Variants in KIAA0586 observed in about 807,000 individuals in gnomAD.
KIAA0586 encodes the protein protein TALPID3.
A neutral mutation model predicts 169.8 loss-of-function variants in KIAA0586; 144 were observed. The ratio of observed to expected loss-of-function variants is 0.85; its 90% CI spans 0.74 to 0.97. The LOEUF is 0.97. KIAA0586 is among the 50% of genes least tolerant of loss of function. KIAA0586 has a pLI of 0.00. For missense variants in KIAA0586, 1,854 were observed against 1,823.0 expected (o/e 1.02, Z -0.31); for synonymous variants, 625 against 612.4 (o/e 1.02, Z -0.30).
At chr14:58,464,929 G>A (rs1328422631) in intron 14 of KIAA0586, among the ~76,000 whole-genome samples, 4 of 151,972 alleles carry the variant, frequency 2.6e-5, no homozygotes, top group East Asian at 1.9e-4. Flanking sequence ...TATGACAGCC[G>A]GGCATGGTGG....
rs200219991 is a variant in KIAA0586 at position 58,470,656 on chromosome 14, C to T, written c.2486C>T (p.Ala829Val). The T allele has an allele frequency of 6.2e-7, 1 of 1,608,344 alleles. No homozygotes were observed. The highest frequency in any genetic ancestry group is 8.5e-7 in the Non-Finnish European group (1 of 1,175,860). ...ATTGACAGCATTTCAAATAGTAGTG[C>T]TGATGTCCTTTCACCTCTGTCTAGC... ...VDIDSISNSSADVLSPLSSPK... is the reference protein window; with the variant it reads ...VDIDSISNSSVDVLSPLSSPK... Residue 829 changes from alanine (A) to valine (V), a missense_variant, in exon 17 of 31, where the codon GCT (alanine) becomes GTT (valine). Ala to Val is a moderately conservative substitution (Grantham distance 64). Coordinates refer to ENST00000652326, the MANE Select transcript of KIAA0586 (RefSeq NM_001329943.3).
rs537893860 is a variant in KIAA0586, at chr14:58,428,168, G to C, written c.-97G>C. 1.7e-4 allele frequency: 260 copies of C among 1,496,542 alleles called. 3 individuals are homozygous for C. The South Asian group carries it at 3.3e-3, about 19-fold the overall frequency. 92.7% of individuals were successfully genotyped at this position (1,496,542 alleles called of 1,614,324 possible). A position where few individuals can be genotyped will look rare whatever the true frequency, so the allele number is the denominator to read the frequency against. The stretch of plus-strand genomic sequence containing the variant: ...GTGGATGTTCGACATTTTAAAAACA[G>C]TTATTGCAAAGAGGTGAAAATTTTG... On this transcript the variant is annotated 5_prime_UTR_variant, in exon 1 of 31. Coordinates refer to ENST00000652326, the MANE Select transcript of KIAA0586 (RefSeq NM_001329943.3).
At chr14:58,502,076 G>A (rs142223377) in intron 27 of KIAA0586, among the ~76,000 whole-genome samples, 2 of 152,288 alleles carry the variant, frequency 1.3e-5, no homozygotes, top group East Asian at 3.9e-4. Flanking sequence ...CGTGAATGAT[G>A]TGGTAGCAGA....
At chr14:58,496,027 A>G (rs2043138047) in intron 26 of KIAA0586, among the ~76,000 whole-genome samples, 1 of 152,156 alleles carries the variant, frequency 6.6e-6, no homozygotes, top group Non-Finnish European at 1.5e-5. Context: ...TTTCTTGTCT[A>G]AAGGGCTATG....
intron 29 of KIAA0586, among the ~76,000 whole-genome samples, chr14:58,533,525 G>A (rs780224796): frequency 2.6e-5 from 4 of 152,132 alleles, no homozygotes; most frequent in East Asian, 3.8e-4. Context: ...TGGGGCAGGG[G>A]CCTGACTTTG....
chr14:58,457,918 A>G lies in KIAA0586; in HGVS notation c.1522A>G (p.Ile508Val), dbSNP rs61745095. 125 of 1,605,490 alleles carry G rather than the reference A, an allele frequency of 7.8e-5. No individual in the cohort carries two copies. The African/African-American group carries it at 1.6e-3, about 20-fold the overall frequency. Residue 508 changes from isoleucine (I) to valine (V), a missense_variant, in exon 11 of 31, where the codon ATT becomes GTT. Transcript: ENST00000652326. The stretch of plus-strand genomic sequence containing the variant: ...AGTACTTGAAGAAAACCTGGAAGCT[A>G]TTATTCGTGCAAAAGATGGAGCTGC... ...KKVLEENLEA[I>V]IRAKDGAAMY...
At chr14:58,471,228 A>G (rs2041193205) in intron 17 of KIAA0586, among the ~76,000 whole-genome samples, 1 of 151,990 alleles carries the variant, frequency 6.6e-6, no homozygotes, top group South Asian at 2.1e-4. Flanking sequence ...GAAAGTGATA[A>G]TCTTTAGTGT....
downstream of KIAA0586, among the ~76,000 whole-genome samples, chr14:58,553,545 T>G (rs533852385): frequency 6.6e-6 from 1 of 151,960 alleles, no homozygotes; most frequent in Admixed American, 6.5e-5. Context: ...GGTTTTTTTT[T>G]TTTTTCATTG....
chr14:58,547,704 T>G, intron 30 of KIAA0586, 77 bp from the exon 31 acceptor site: 221 of 658,452 alleles, frequency 3.4e-4, no homozygotes, highest in Middle Eastern at 1.1e-3. Flanking sequence ...CCCAACCTCA[T>G]ATTATTTCGC....
rs780091990 is a variant in KIAA0586, at chr14:58,477,153, C to T, written c.2856C>T (p.Ile952=). The change falls in exon 20 of 31, where the codon ATC becomes ATT. Residue 952 remains isoleucine (I), a synonymous_variant. Transcript: ENST00000652326. ...AGCAAGAAATAATGTCAAGAATTATCTCTGGGCTCTTTCCAGTCCAGCAAC... is the reference window on the plus strand; with the variant it reads ...AGCAAGAAATAATGTCAAGAATTATTTCTGGGCTCTTTCCAGTCCAGCAAC... The part of the protein sequence containing the change: ...WVEQEIMSRI[I]SGLFPVQQQI... 101 of 1,574,448 alleles carry T rather than the reference C, an allele frequency of 6.4e-5. No homozygotes were observed. The Middle Eastern group carries it at 2.0e-3, about 31-fold the overall frequency.
intron 29 of KIAA0586, among the ~76,000 whole-genome samples, chr14:58,526,390 G>T (rs1409119789): frequency 6.6e-6 from 1 of 152,170 alleles, no homozygotes; most frequent in Non-Finnish European, 1.5e-5. Flanking sequence ...CTGTTTGGCA[G>T]ACTCTGCTGG....
At chr14:58,535,313 C>T (rs958933898) in intron 29 of KIAA0586, among the ~76,000 whole-genome samples, 5 of 148,546 alleles carry the variant, frequency 3.4e-5, no homozygotes, top group East Asian at 1.9e-4. Context: ...CAGTTCTCAA[C>T]CAAATTTTAA....
At chr14:58,427,532 AAAAT>A (rs916341041), upstream of KIAA0586, 71 of 1,497,456 alleles carry the variant, frequency 4.7e-5, no homozygotes, top group Middle Eastern at 1.7e-4. Context: ...GTGCTACCTT[AAAAT>A]AAATAAATAA....
intron 16 of KIAA0586, among the ~76,000 whole-genome samples, chr14:58,469,089 A>C (rs1327159940): frequency 6.6e-6 from 1 of 152,176 alleles, no homozygotes. Flanking sequence ...TTTCTTCTGC[A>C]CAAATTTATA....
At chr14:58,468,283 C>T (rs1049490263) in intron 16 of KIAA0586, among the ~76,000 whole-genome samples, 4 of 152,060 alleles carry the variant, frequency 2.6e-5, no homozygotes, top group Non-Finnish European at 4.4e-5. Context: ...CTCCTGACCT[C>T]AGGTGAATCC....
chr14:58,517,018 A>G (rs2044815421), intron 29 of KIAA0586, among the ~76,000 whole-genome samples: 1 of 152,216 alleles, frequency 6.6e-6, no homozygotes, highest in Admixed American at 6.5e-5. Context: ...ATCTAAATGT[A>G]AAGCCTAAAA....
chr14:58,483,942 A>T (rs1287518549), intron 21 of KIAA0586, among the ~76,000 whole-genome samples: 1 of 152,142 alleles, frequency 6.6e-6, no homozygotes, highest in African/African-American at 2.4e-5. Context: ...TGTAGTTTTG[A>T]TCTGTGCTTT....
rs55991751 is a variant in KIAA0586, at chr14:58,551,058, G to A, written c.*3126G>A. On this transcript the variant is annotated 3_prime_UTR_variant, in exon 31 of 31. Transcript: ENST00000652326. ...ACAAAAATTAGCCAGGCATGGTGGC[G>A]TGTGCCTGTAATCCCAGCTACTTGG... is the stretch of plus-strand genomic sequence containing the variant. The A allele has an allele frequency of 0.011, 1,679 of 151,916 alleles. 32 individuals are homozygous for A. Among genetic ancestry groups the A allele is most frequent in the African/African-American group, 0.038 (1,558 of 41,364 alleles). 9.4% of individuals were successfully genotyped at this position (151,916 alleles called of 1,614,324 possible).
rs539408454 is a variant in KIAA0586 at position 58,449,488 on chromosome 14, A to G, written c.961+995A>G. On this transcript the variant is annotated intron_variant, in intron 7 of 30. Coordinates refer to ENST00000652326, the MANE Select transcript of KIAA0586 (RefSeq NM_001329943.3). ...AAGCTTCAGTGAGCTGTGATCATGC[A>G]GCTGTACTCCAGCCTGGGTGACAGA... Among the ~76,000 whole-genome samples, 78 of 152,314 alleles carry G rather than the reference A, an allele frequency of 5.1e-4. 1 individual carries two copies. Among genetic ancestry groups the G allele is most frequent in the Middle Eastern group, 6.8e-3 (2 of 294 alleles).
Sources: gnomAD v4.1 joint callset for allele counts (sites outside exome capture counted in the v4.1 genomes callset) on GRCh38, gnomAD v4.1.1 for gene constraint, MANE v1.5 for transcripts, NCBI Gene and HGNC (gene_info 2026-07-23, HGNC 2026-07-21) for gene names.